Variants in HGSNAT observed in about 807,000 individuals in gnomAD.
HGSNAT encodes heparan-alpha-glucosaminide N-acetyltransferase, also known as transmembrane protein 76.
In HGSNAT, 59 loss-of-function variants were observed where a neutral mutation model predicts 85.2. The observed-to-expected ratio is 0.69, with a 90% CI of 0.56 to 0.86. HGSNAT has a LOEUF of 0.86. Ranked by LOEUF, HGSNAT falls within the 40% of genes least tolerant of loss-of-function variation. The pLI, the probability that HGSNAT is intolerant of heterozygous loss-of-function variation, is 0.00. For synonymous variants in HGSNAT, 321 were observed against 304.5 expected (o/e 1.05, Z -0.56); for missense variants, 756 against 777.1 (o/e 0.97, Z 0.32).
chr8:43,200,537 T>C lies in HGSNAT; in HGVS notation c.*968T>C, dbSNP rs185491161. ...GAAAACTCTTCAAAATAAATAGTAG[T>C]GAAAACTTTTAAAAACTCTCATTGG... On this transcript the variant is annotated 3_prime_UTR_variant, in exon 18 of 18. Coordinates refer to ENST00000379644, the MANE Select transcript of HGSNAT (RefSeq NM_152419.3). 42 of 152,356 alleles carry C rather than the reference T, an allele frequency of 2.8e-4. No homozygotes were observed. Among genetic ancestry groups the C allele is most frequent in the Admixed American group, 2.5e-3 (38 of 15,306 alleles). 9.4% of individuals were successfully genotyped at this position (152,356 alleles called of 1,614,324 possible).
At chr8:43,196,367 A>T in intron 14 of HGSNAT, 1 of 814,592 alleles carries the variant, frequency 1.2e-6, no homozygotes, top group Non-Finnish European at 1.8e-6. Context: ...CACTGTTTTT[A>T]AATGTTTCCC....
chr8:43,148,598 G>A (rs1261027354), intron 2 of HGSNAT, among the ~76,000 whole-genome samples: 1 of 151,534 alleles, frequency 6.6e-6, no homozygotes, highest in Non-Finnish European at 1.5e-5. Context: ...GATCAGCCTG[G>A]CCAACATGGT....
rs7005806 is a variant in HGSNAT, at chr8:43,177,741, T to A, written c.852-333T>A. Among the ~76,000 whole-genome samples the A allele has an allele frequency of 4.4e-3, 663 of 152,270 alleles. 8 individuals carry two copies. The highest frequency in any genetic ancestry group is 0.015 in the African/African-American group (634 of 41,544). On this transcript the variant is annotated intron_variant, in intron 9 of 17. Coordinates refer to ENST00000379644, the MANE Select transcript of HGSNAT (RefSeq NM_152419.3). ...GTTTCAAGGGCTTTGAGGGTGTGCT[T>A]GTGAATGTCAAGTTATTTGAAGACA...
At chr8:43,154,789 C>G (rs1041924818) in intron 2 of HGSNAT, among the ~76,000 whole-genome samples, 1 of 152,188 alleles carries the variant, frequency 6.6e-6, no homozygotes, top group Non-Finnish European at 1.5e-5. Flanking sequence ...AGTGGTTGAA[C>G]TAGTTTACAG....
rs555565243 is a variant in HGSNAT, at chr8:43,185,726, G to C, written c.1128+3466G>C. 6.6e-5 allele frequency among the ~76,000 whole-genome samples: 10 copies of C among 152,306 alleles called. No individual in the cohort carries two copies. The South Asian group carries it at 2.1e-3, about 32-fold the overall frequency. Reference sequence around the variant, plus strand: ...TCCCTGTCTTGTGCCAGTTTTCAAAGGGAATGCTTCCAGTTTTTGTCCATT... The same window carrying C: ...TCCCTGTCTTGTGCCAGTTTTCAAACGGAATGCTTCCAGTTTTTGTCCATT... On this transcript the variant is annotated intron_variant, in intron 11 of 17. Coordinates refer to ENST00000379644, the MANE Select transcript of HGSNAT (RefSeq NM_152419.3).
At chr8:43,151,683 C>T (rs1204410108) in intron 2 of HGSNAT, among the ~76,000 whole-genome samples, 1 of 152,046 alleles carries the variant, frequency 6.6e-6, no homozygotes, top group East Asian at 1.9e-4. Context: ...ACGAGCATTT[C>T]GTTGAAAATC....
chr8:43,179,373 C>A (rs1225230752), intron 10 of HGSNAT, among the ~76,000 whole-genome samples: 4 of 137,696 alleles, frequency 2.9e-5, no homozygotes, highest in Non-Finnish European at 6.4e-5. Context: ...GGGGCTGTCC[C>A]CCCCACCTCC....
At chr8:43,179,947 C>A in intron 10 of HGSNAT, among the ~76,000 whole-genome samples, 1 of 86,268 alleles carries the variant, frequency 1.2e-5, no homozygotes, top group Non-Finnish European at 2.4e-5. Context: ...GACCCCCCCA[C>A]CTCCCTCCTG....
In HGSNAT at chr8:43,178,131, G is replaced by A. The variant is rs761902987; in HGVS notation, c.909G>A (p.Arg303=). 3 of 1,608,520 alleles carry A rather than the reference G, an allele frequency of 1.9e-6. No individual in the cohort carries two copies. The East Asian group carries it at 6.7e-5, about 36-fold the overall frequency. Residue 303 remains arginine (R), a synonymous_variant, in exon 10 of 18, where the codon CGG becomes CGA. Coordinates refer to ENST00000379644, the MANE Select transcript of HGSNAT (RefSeq NM_152419.3). ...IFLSMTSILQ[R]GCSKFRLLGK... ...TATCGATGACTTCTATACTGCAACG[G>A]GGGTGTTCAAAATTCAGATTGCTGG...
chr8:43,187,209 G>A (rs928637649), intron 11 of HGSNAT, among the ~76,000 whole-genome samples: 1 of 152,160 alleles, frequency 6.6e-6, no homozygotes, highest in Admixed American at 6.5e-5. Flanking sequence ...TTAACTTTCT[G>A]TCTCATTGAT....
chr8:43,167,627 G>A (rs1399932530), intron 5 of HGSNAT, among the ~76,000 whole-genome samples: 3 of 152,154 alleles, frequency 2.0e-5, no homozygotes, highest in Admixed American at 2.0e-4. Flanking sequence ...ATTTGTGAGA[G>A]TCACTGTATT....
intron 2 of HGSNAT, 42 bp from the exon 3 acceptor site, chr8:43,158,533 G>T (rs1803163611): frequency 6.2e-7 from 1 of 1,611,350 alleles, no homozygotes; most frequent in Non-Finnish European, 8.5e-7. Flanking sequence ...AACAGATGTT[G>T]AAAAACCTCT....
chr8:43,185,137 T>C (rs1804263590), intron 11 of HGSNAT, among the ~76,000 whole-genome samples: 1 of 152,218 alleles, frequency 6.6e-6, no homozygotes, highest in Non-Finnish European at 1.5e-5. Flanking sequence ...TTTGGTTCCA[T>C]ATGAACTTTA....
At chr8:43,185,726 G>A (rs555565243) in intron 11 of HGSNAT, among the ~76,000 whole-genome samples, 1 of 152,188 alleles carries the variant, frequency 6.6e-6, no homozygotes, top group Non-Finnish European at 1.5e-5. Flanking sequence ...AGTTTTCAAA[G>A]GGAATGCTTC....
intron 11 of HGSNAT, among the ~76,000 whole-genome samples, chr8:43,183,964 T>C (rs1446673938): frequency 3.9e-5 from 6 of 152,134 alleles, no homozygotes; most frequent in Non-Finnish European, 8.8e-5. Flanking sequence ...AGGACATGAA[T>C]TCATCCTTTT....
At chr8:43,158,465 G>A in intron 2 of HGSNAT, 110 bp from the exon 3 acceptor site, 1 of 1,105,370 alleles carries the variant, frequency 9.0e-7, no homozygotes, top group Non-Finnish European at 1.3e-6. Flanking sequence ...TTTTTTATAA[G>A]TATGAAGGAA....
chr8:43,199,618 G>A lies in HGSNAT; in HGVS notation c.*49G>A. 1 of 1,371,070 alleles carries A rather than the reference G, an allele frequency of 7.3e-7. No homozygotes were observed. The highest frequency in any genetic ancestry group is 9.7e-7 in the Non-Finnish European group (1 of 1,028,586). The allele number at this position is 1,371,070 out of a possible 1,614,324, so 84.9% of individuals were successfully genotyped here. ...TGGAAGACTCTAGTAGGCCTGCAGG[G>A]AGGACTGAAGCAGCCTTTGTTAAAG... On this transcript the variant is annotated 3_prime_UTR_variant, in exon 18 of 18. Transcript: ENST00000379644.
intron 5 of HGSNAT, among the ~76,000 whole-genome samples, chr8:43,166,692 G>GT (rs1426266329): frequency 1.2e-4 from 18 of 152,286 alleles, no homozygotes; most frequent in Non-Finnish European, 2.1e-4. Flanking sequence ...TTTCATGCCT[G>GT]TAACACAATA....
At chr8:43,163,538 A>C (rs944524847) in intron 5 of HGSNAT, among the ~76,000 whole-genome samples, 1 of 126,222 alleles carries the variant, frequency 7.9e-6, no homozygotes, top group East Asian at 2.4e-4. Context: ...TTTTTTTTTA[A>C]TTTTTTGAGG....
Sources: allele counts gnomAD v4.1 joint callset (sites outside exome capture counted in the v4.1 genomes callset), GRCh38; gene constraint gnomAD v4.1.1; transcripts MANE v1.5; gene names NCBI Gene and HGNC (gene_info 2026-07-23, HGNC 2026-07-21).